The following ZNF829 variants were observed in gnomAD, a reference collection of about 807,000 sequenced individuals.
ZNF829 encodes zinc finger protein 829.
In ZNF829, 25 loss-of-function variants were observed where a neutral mutation model predicts 35.2. The ratio of observed to expected loss-of-function variants is 0.71; its 90% CI spans 0.52 to 0.99. The LOEUF (loss-of-function observed/expected upper bound fraction) is 0.99. Ranked by LOEUF, ZNF829 falls within the 50% of genes least tolerant of loss-of-function variation. ZNF829 has a pLI of 0.00. For synonymous variants in ZNF829, 136 were observed against 163.2 expected, an observed-to-expected ratio of 0.83 and a Z score of 1.27; for missense variants, 417 against 515.3, an observed-to-expected ratio of 0.81 and a Z score of 1.85.
intron 2 of ZNF829, 21 bp downstream of exon 2, chr19:36,915,109 T>C: frequency 6.2e-7 from 1 of 1,614,090 alleles, no homozygotes; most frequent in Non-Finnish European, 8.5e-7. Context: ...GTAAGAGTTC[T>C]TCCCCAGCCC....
At chr19:36,914,538 G>T (rs1489296630) in intron 3 of ZNF829, among the ~76,000 whole-genome samples, 1 of 152,066 alleles carries the variant, frequency 6.6e-6, no homozygotes. Flanking sequence ...TTCAAATGAG[G>T]ATTTAAAAGT....
intron 5 of ZNF829, among the ~76,000 whole-genome samples, chr19:36,898,619 C>T (rs140930125): frequency 3.2e-3 from 493 of 152,152 alleles, no homozygotes; most frequent in Middle Eastern, 6.8e-3. Flanking sequence ...ACAAAGCTGT[C>T]GTAACCAAAA....
chr19:36,893,295 C>T (rs1393375597), intron 5 of ZNF829, among the ~76,000 whole-genome samples: 1 of 152,062 alleles, frequency 6.6e-6, no homozygotes, highest in African/African-American at 2.4e-5. Context: ...AAATAATTTG[C>T]TCTGGAATTC....
At chr19:36,908,239 A>C in intron 4 of ZNF829, 94 bp downstream of exon 4, 7 of 1,501,650 alleles carry the variant, frequency 4.7e-6, no homozygotes, top group Non-Finnish European at 6.3e-6. Context: ...AGGGAGCAGA[A>C]ATTCAGCTGG....
intron 5 of ZNF829, among the ~76,000 whole-genome samples, chr19:36,900,616 G>C (rs566228017): frequency 6.6e-6 from 1 of 152,122 alleles, no homozygotes; most frequent in South Asian, 2.1e-4. Context: ...GGAGGGCTGA[G>C]GCAGGTGGAT....
intron 5 of ZNF829, among the ~76,000 whole-genome samples, chr19:36,900,083 A>G (rs1018929685): frequency 1.3e-5 from 2 of 151,044 alleles, no homozygotes; most frequent in African/African-American, 4.9e-5. Context: ...AGGTGGGTGG[A>G]TCACTTGAGG....
chr19:36,893,421 A>C (rs1481370013), intron 5 of ZNF829, among the ~76,000 whole-genome samples: 8 of 152,214 alleles, frequency 5.3e-5, no homozygotes, highest in African/African-American at 1.7e-4. Context: ...AATGTACTCT[A>C]TGAGAAGAAT....
intron 3 of ZNF829, among the ~76,000 whole-genome samples, chr19:36,913,735 A>G (rs2073283004): frequency 6.6e-6 from 1 of 152,150 alleles, no homozygotes; most frequent in African/African-American, 2.4e-5. Flanking sequence ...AATAATAGAT[A>G]TCCATCCATA....
Position 36,892,036 on chromosome 19 carries a change from C to A in ZNF829, c.755G>T (p.Cys252Phe). The A allele has an allele frequency of 6.2e-7, 1 of 1,613,814 alleles. No homozygotes were observed. The highest frequency in any genetic ancestry group is 1.1e-5 in the South Asian group (1 of 91,054). The change falls in exon 6 of 6, where the codon TGC (cysteine) becomes TTC (phenylalanine). Residue 252 changes from cysteine to phenylalanine, a missense_variant. Transcript: ENST00000391711. Reference protein sequence around the residue: ...CKECGKAFKYCSNLNDHQRIH... With the variant: ...CKECGKAFKYFSNLNDHQRIH... ...TCTCTGATGATCATTAAGGTTTGAG[C>A]AATACTTAAAGGCTTTTCCACATTC...
chr19:36,914,873 T>C, intron 3 of ZNF829, 92 bp downstream of exon 3: 1 of 1,267,422 alleles, frequency 7.9e-7, no homozygotes, highest in South Asian at 1.3e-5. Flanking sequence ...CAACCATCCT[T>C]TTCTGTGATG....
intron 5 of ZNF829, 92 bp downstream of exon 5, chr19:36,907,837 G>T: frequency 9.5e-7 from 1 of 1,053,194 alleles, no homozygotes; most frequent in Non-Finnish European, 1.4e-6. Flanking sequence ...TTATATGGAA[G>T]AGGCTTCAGG....
intron 1 of ZNF829, 127 bp downstream of exon 1, chr19:36,915,884 C>T (rs937804863): frequency 1.4e-5 from 21 of 1,535,992 alleles, no homozygotes; most frequent in Non-Finnish European, 1.8e-5. Flanking sequence ...CAGGCCGCTC[C>T]GCCCGCAGGG....
At position 36,891,514 on chromosome 19, in the gene ZNF829, T is replaced by A; in HGVS notation, c.1277A>T (p.His426Leu). Residue 426 changes from histidine to leucine, a missense_variant, in exon 6 of 6, where the codon CAT becomes CTT. Physicochemically the swap from His to Leu is moderately conservative, Grantham distance 99. Transcript: ENST00000391711. ...AFGSRSDLIR[H>L]EGIHTG is the part of the protein sequence containing the mutation. ...CATTCAACCAGTATGAATTCCCTCA[T>A]GGCGAATGAGGTCAGAGCGACTACC... 6.4e-7 allele frequency: 1 copy of A among 1,569,370 alleles called. No individual in the cohort carries two copies. The highest frequency in any genetic ancestry group is 8.6e-7 in the Non-Finnish European group (1 of 1,161,910).
At position 36,892,724 on chromosome 19, in the gene ZNF829, TA is replaced by T. The variant is rs1045435806; in HGVS notation, c.320-254del. 2.2e-4 allele frequency: 127 copies of T among 565,748 alleles called. No homozygotes were observed. The African/African-American group carries it at 2.3e-3, about 10-fold the overall frequency. 35.0% of individuals were successfully genotyped at this position (565,748 alleles called of 1,614,324 possible). ...ATTTTGGTCTGAACCAGAGTCACCT[TA>T]AGCCTTGGTGAATACACAGTGTTCA... On this transcript the variant is annotated intron_variant, in intron 5 of 5. Coordinates refer to ENST00000391711, the MANE Select transcript of ZNF829 (RefSeq NM_001037232.4).
At chr19:36,901,968 G>C in intron 5 of ZNF829, 1 of 749,444 alleles carries the variant, frequency 1.3e-6, no homozygotes, top group East Asian at 2.5e-5. Flanking sequence ...TGGGCCAAAG[G>C]AATAAGGAAT....
chr19:36,909,806 CA>C (rs35064154), intron 3 of ZNF829, among the ~76,000 whole-genome samples: 53,337 of 133,460 alleles, frequency 0.4, 9,876 homozygotes, highest in Non-Finnish European at 0.45. Flanking sequence ...GACTCTGTCT[CA>C]AAAAAAAAAA....
intron 5 of ZNF829, chr19:36,906,263 A>C (rs749831017): frequency 6.6e-6 from 1 of 152,230 alleles, no homozygotes; most frequent in Non-Finnish European, 1.5e-5. Flanking sequence ...TCTGTTCATC[A>C]AAAGGTACTA....
chr19:36,915,550 G>A (rs1188076378), intron 1 of ZNF829, among the ~76,000 whole-genome samples: 1 of 147,180 alleles, frequency 6.8e-6, no homozygotes, highest in South Asian at 2.3e-4. Flanking sequence ...CACATAAGCC[G>A]CAGTGTTATT....
chr19:36,898,906 G>C (rs1195724918), intron 5 of ZNF829, among the ~76,000 whole-genome samples: 1 of 152,032 alleles, frequency 6.6e-6, no homozygotes, highest in Non-Finnish European at 1.5e-5. Context: ...AACTACTGCA[G>C]GAAAACATAG....
Sources: gnomAD v4.1 joint callset for allele counts (sites outside exome capture counted in the v4.1 genomes callset) on GRCh38, gnomAD v4.1.1 for gene constraint, MANE v1.5 for transcripts, NCBI Gene and HGNC (gene_info 2026-07-23, HGNC 2026-07-21) for gene names.